NUBPL: variants seen among roughly 807,000 people sequenced by gnomAD.
The protein encoded by NUBPL is iron-sulfur cluster transfer protein NUBPL.
NUBPL carries 31 observed loss-of-function variants against 45.7 expected under a neutral mutation model. That is an observed-to-expected ratio of 0.68 (90% CI 0.51 to 0.92). The LOEUF (loss-of-function observed/expected upper bound fraction) is 0.92, where lower values mean the gene tolerates loss of function less well. Among genes scored for constraint, NUBPL ranks in the 40% least tolerant of loss-of-function variants. The pLI is 0.00. For missense variants in NUBPL, 401 were observed against 398.7 expected, an observed-to-expected ratio of 1.01 and a Z score of -0.05; for synonymous variants, 144 against 140.9, an observed-to-expected ratio of 1.02 and a Z score of -0.15.
At chr14:31,602,512 A>G (rs983612768) in intron 4 of NUBPL, among the ~76,000 whole-genome samples, 2 of 152,080 alleles carry the variant, frequency 1.3e-5, no homozygotes, top group Admixed American at 1.3e-4. Context: ...AATAAAATAA[A>G]TAAAAAGTAT....
intron 4 of NUBPL, among the ~76,000 whole-genome samples, chr14:31,639,737 C>T (rs982170635): frequency 2.0e-5 from 3 of 152,208 alleles, no homozygotes; most frequent in Non-Finnish European, 2.9e-5. Context: ...GGGCTCCACC[C>T]AGTTCGAGCT....
chr14:31,722,112 T>C (rs1292834069), intron 6 of NUBPL, among the ~76,000 whole-genome samples: 2 of 152,186 alleles, frequency 1.3e-5, no homozygotes, highest in African/African-American at 4.8e-5. Context: ...TTCTTCTGCC[T>C]CAGCCTCCCG....
At chr14:31,743,780 C>T (rs544494258) in intron 6 of NUBPL, among the ~76,000 whole-genome samples, 1 of 152,058 alleles carries the variant, frequency 6.6e-6, no homozygotes, top group Non-Finnish European at 1.5e-5. Flanking sequence ...AGAGAGAAAA[C>T]ACTTTTGAGG....
At chr14:31,578,717 C>T (rs552718573) in intron 3 of NUBPL, among the ~76,000 whole-genome samples, 35 of 152,274 alleles carry the variant, frequency 2.3e-4, no homozygotes, top group African/African-American at 7.9e-4. Flanking sequence ...CAGAAAGTCT[C>T]TCTCTCTTGT....
At chr14:31,592,449 A>G (rs183940529) in intron 3 of NUBPL, among the ~76,000 whole-genome samples, 1 of 152,296 alleles carries the variant, frequency 6.6e-6, no homozygotes, top group Non-Finnish European at 1.5e-5. Flanking sequence ...CATCTGAATC[A>G]TTCTTGCAGC....
intron 4 of NUBPL, among the ~76,000 whole-genome samples, chr14:31,644,618 A>G (rs143022505): frequency 3.3e-4 from 50 of 152,156 alleles, no homozygotes; most frequent in Non-Finnish European, 7.1e-4. Context: ...AAGAGAGTGT[A>G]TGTTCTACAG....
chr14:31,732,902 C>G (rs946588530), intron 6 of NUBPL, among the ~76,000 whole-genome samples: 3 of 152,080 alleles, frequency 2.0e-5, no homozygotes, highest in Non-Finnish European at 4.4e-5. Context: ...TGTGCATCAC[C>G]GCGCCCGGCC....
At chr14:31,650,514 C>T (rs149046781) in intron 4 of NUBPL, among the ~76,000 whole-genome samples, 4,680 of 152,200 alleles carry the variant, frequency 0.031, 125 homozygotes, top group Admixed American at 0.059. Context: ...TGGTCTCAAT[C>T]TCCTGACCTC....
At chr14:31,757,646 TG>T (rs1244283898) in intron 6 of NUBPL, among the ~76,000 whole-genome samples, 2 of 152,174 alleles carry the variant, frequency 1.3e-5, no homozygotes, top group Non-Finnish European at 2.9e-5. Context: ...TAAATAAGAC[TG>T]GGCATAAATT....
intron 6 of NUBPL, among the ~76,000 whole-genome samples, chr14:31,779,338 CA>C (rs796240464): frequency 5.0e-4 from 67 of 135,272 alleles, no homozygotes; most frequent in Admixed American, 5.2e-4. Context: ...AACTCCATCT[CA>C]AAAAAAAAAA....
At chr14:31,622,787 G>T (rs2035100202) in intron 4 of NUBPL, among the ~76,000 whole-genome samples, 1 of 152,394 alleles carries the variant, frequency 6.6e-6, no homozygotes, top group South Asian at 2.1e-4. Context: ...CCAGGCAGAA[G>T]TCTGCTGCAG....
chr14:31,732,912 C>T (rs183987763), intron 6 of NUBPL, among the ~76,000 whole-genome samples: 1 of 151,986 alleles, frequency 6.6e-6, no homozygotes, highest in African/African-American at 2.4e-5. Flanking sequence ...CGCGCCCGGC[C>T]TATTCTTTTA....
At chr14:31,798,161 T>G (rs1321434197) in intron 7 of NUBPL, among the ~76,000 whole-genome samples, 1 of 152,160 alleles carries the variant, frequency 6.6e-6, no homozygotes, top group Non-Finnish European at 1.5e-5. Flanking sequence ...GATTCATTCC[T>G]ATGAGTGCCT....
intron 6 of NUBPL, among the ~76,000 whole-genome samples, chr14:31,739,334 C>T: frequency 6.6e-6 from 1 of 150,884 alleles, no homozygotes; most frequent in East Asian, 1.9e-4. Flanking sequence ...ATCCGTCCGC[C>T]TTGGCCTCCC....
At chr14:31,738,238 A>G (rs887842581) in intron 6 of NUBPL, among the ~76,000 whole-genome samples, 1 of 152,202 alleles carries the variant, frequency 6.6e-6, no homozygotes, top group African/African-American at 2.4e-5. Flanking sequence ...GAAATTACTC[A>G]GGAAAGAGAA....
chr14:31,778,656 C>T (rs1306478028), intron 6 of NUBPL, among the ~76,000 whole-genome samples: 4 of 152,180 alleles, frequency 2.6e-5, no homozygotes, highest in Admixed American at 2.6e-4. Context: ...ATTGCTGTGA[C>T]CTATCAAGAA....
At chr14:31,685,967 G>A (rs1318761228) in intron 6 of NUBPL, among the ~76,000 whole-genome samples, 1 of 152,050 alleles carries the variant, frequency 6.6e-6, no homozygotes, top group Non-Finnish European at 1.5e-5. Context: ...ATTATTCCAG[G>A]TGACTCTAAT....
chr14:31,574,260 CA>C (rs35099837), intron 3 of NUBPL, among the ~76,000 whole-genome samples: 54,448 of 150,798 alleles, frequency 0.36, 11,967 homozygotes, highest in East Asian at 0.59. Flanking sequence ...CTTATGTACT[CA>C]AAAAAAATTT....
intron 6 of NUBPL, among the ~76,000 whole-genome samples, chr14:31,760,144 T>TGTGTGA: frequency 2.9e-5 from 1 of 34,830 alleles, no homozygotes; most frequent in Non-Finnish European, 5.4e-5. Context: ...TGTGTGTGTG[T>TGTGTGA]GAGAGAGAGA....
Sources: allele counts gnomAD v4.1 joint callset (sites outside exome capture counted in the v4.1 genomes callset), GRCh38; gene constraint gnomAD v4.1.1; transcripts MANE v1.5; gene names NCBI Gene and HGNC (gene_info 2026-07-23, HGNC 2026-07-21).